The following ZNF804A variants were observed in gnomAD, a reference collection of about 807,000 sequenced individuals.
The protein encoded by ZNF804A is zinc finger protein 804A.
ZNF804A carries 2 observed loss-of-function variants against 16.5 expected under a neutral mutation model. The ratio of observed to expected loss-of-function variants is 0.12; its 90% confidence interval spans 0.05 to 0.38. The LOEUF (loss-of-function observed/expected upper bound fraction) is 0.38, where lower values mean the gene tolerates loss of function less well. Among genes scored for constraint, ZNF804A ranks in the 10% least tolerant of loss-of-function variants. The probability of loss-of-function intolerance (pLI) is 0.99; values close to 1 mark genes in which losing one functional copy is unlikely to be tolerated. For synonymous variants in ZNF804A, 534 were observed against 489.6 expected (o/e 1.09, Z -1.20); for missense variants, 1,473 against 1,390.7 (o/e 1.06, Z -0.94).
At chr2:184,626,894 C>G (rs1234675768) in intron 1 of ZNF804A, among the ~76,000 whole-genome samples, 1 of 152,124 alleles carries the variant, frequency 6.6e-6, no homozygotes, top group African/African-American at 2.4e-5. Flanking sequence ...ACCATGTGGA[C>G]TGTCATATAT....
At chr2:184,680,584 GT>G (rs1348163892) in intron 1 of ZNF804A, among the ~76,000 whole-genome samples, 2 of 152,218 alleles carry the variant, frequency 1.3e-5, no homozygotes. Context: ...TCAGAATGAT[GT>G]TCCTGTGGAA....
intron 1 of ZNF804A, among the ~76,000 whole-genome samples, chr2:184,680,229 C>G (rs2105718432): frequency 6.6e-6 from 1 of 152,012 alleles, no homozygotes; most frequent in South Asian, 2.1e-4. Flanking sequence ...GATGACCTAC[C>G]TGCGGAGAAG....
chr2:184,664,041 A>G (rs1009394317), intron 1 of ZNF804A, among the ~76,000 whole-genome samples: 1 of 152,236 alleles, frequency 6.6e-6, no homozygotes, highest in Non-Finnish European at 1.5e-5. Context: ...ATTGGCTTGA[A>G]TATATACTTT....
chr2:184,644,247 A>G (rs1164628834), intron 1 of ZNF804A, among the ~76,000 whole-genome samples: 1 of 151,690 alleles, frequency 6.6e-6, no homozygotes, highest in African/African-American at 2.4e-5. Flanking sequence ...ATATATATAT[A>G]TAAAATACCT....
At chr2:184,691,250 C>G (rs1011949333) in intron 1 of ZNF804A, among the ~76,000 whole-genome samples, 1 of 151,886 alleles carries the variant, frequency 6.6e-6, no homozygotes, top group Admixed American at 6.6e-5. Context: ...TCAACTTGCT[C>G]AGCAAAAAAC....
chr2:184,885,809 C>A (rs998064014), intron 2 of ZNF804A, among the ~76,000 whole-genome samples: 14 of 152,158 alleles, frequency 9.2e-5, no homozygotes, highest in African/African-American at 3.4e-4. Flanking sequence ...AAAGACCGGG[C>A]CCCATGATTT....
intron 1 of ZNF804A, among the ~76,000 whole-genome samples, chr2:184,677,089 A>G (rs539472586): frequency 1.3e-5 from 2 of 151,948 alleles, no homozygotes; most frequent in South Asian, 2.1e-4. Context: ...TTTTTTCCCT[A>G]TTATTATCAG....
intron 1 of ZNF804A, among the ~76,000 whole-genome samples, chr2:184,624,508 A>G (rs1358281317): frequency 2.0e-5 from 3 of 152,184 alleles, no homozygotes; most frequent in Admixed American, 6.5e-5. Flanking sequence ...CAATGATTCT[A>G]TAAAAGACTG....
intron 1 of ZNF804A, among the ~76,000 whole-genome samples, chr2:184,730,916 G>A (rs1693502685): frequency 6.6e-6 from 1 of 151,486 alleles, no homozygotes; most frequent in African/African-American, 2.4e-5. Context: ...ATTGCTGGAT[G>A]GGATTATAGG....
At position 184,673,864 on chromosome 2, in the gene ZNF804A, G is replaced by A. The variant is rs565780057; in HGVS notation, c.111+74794G>A. Among the ~76,000 whole-genome samples, 9 of 152,230 alleles carry A rather than the reference G, an allele frequency of 5.9e-5. No homozygotes were observed. The South Asian group carries it at 1.9e-3, about 32-fold the overall frequency. On this transcript the variant is annotated intron_variant, in intron 1 of 3. Coordinates refer to ENST00000302277, the MANE Select transcript of ZNF804A (RefSeq NM_194250.2). ...GACAGACTTTAAAGAAAACTTAAAAGGATTATATTGAAATGTCTTATAGCA... is the reference window on the plus strand; with the variant it reads ...GACAGACTTTAAAGAAAACTTAAAAAGATTATATTGAAATGTCTTATAGCA...
chr2:184,711,784 A>T (rs1693132085), intron 1 of ZNF804A, among the ~76,000 whole-genome samples: 1 of 151,584 alleles, frequency 6.6e-6, no homozygotes, highest in Non-Finnish European at 1.5e-5. Flanking sequence ...AGATCAGTTG[A>T]CCATACATAT....
chr2:184,657,137 T>C (rs571597716), intron 1 of ZNF804A, among the ~76,000 whole-genome samples: 1 of 152,260 alleles, frequency 6.6e-6, no homozygotes, highest in African/African-American at 2.4e-5. Context: ...CAGGCTGGAG[T>C]GCAGTAGCGA....
chr2:184,663,262 T>C (rs534213141), intron 1 of ZNF804A, among the ~76,000 whole-genome samples: 11 of 152,294 alleles, frequency 7.2e-5, no homozygotes, highest in African/African-American at 2.4e-4. Flanking sequence ...TCCTGGCCTT[T>C]CCCTGCTCAC....
chr2:184,710,231 A>G (rs974078333), intron 1 of ZNF804A, among the ~76,000 whole-genome samples: 7 of 151,674 alleles, frequency 4.6e-5, no homozygotes, highest in Non-Finnish European at 1.0e-4. Flanking sequence ...GCATGGGTGA[A>G]CTGTCACTAT....
chr2:184,814,783 T>A (rs1694954596), intron 1 of ZNF804A, among the ~76,000 whole-genome samples: 1 of 152,032 alleles, frequency 6.6e-6, no homozygotes, highest in African/African-American at 2.4e-5. Flanking sequence ...GTAAATGAGA[T>A]CTCCGTCACC....
At chr2:184,684,700 T>G (rs998266156) in intron 1 of ZNF804A, among the ~76,000 whole-genome samples, 12 of 152,120 alleles carry the variant, frequency 7.9e-5, no homozygotes, top group African/African-American at 2.9e-4. Flanking sequence ...ACCCAATAGG[T>G]AGATTTCCCT....
chr2:184,645,855 T>C (rs1477275607), intron 1 of ZNF804A, among the ~76,000 whole-genome samples: 1 of 152,112 alleles, frequency 6.6e-6, no homozygotes, highest in Non-Finnish European at 1.5e-5. Flanking sequence ...ATAGTTCCCA[T>C]AAAGATGTGT....
At chr2:184,893,300 G>A (rs893860867) in intron 2 of ZNF804A, among the ~76,000 whole-genome samples, 11 of 151,932 alleles carry the variant, frequency 7.2e-5, no homozygotes, top group Non-Finnish European at 4.4e-5. Context: ...ACCAACTTAG[G>A]ACTCAAAGTA....
intron 1 of ZNF804A, among the ~76,000 whole-genome samples, chr2:184,810,907 G>C (rs1033960847): frequency 6.6e-6 from 1 of 152,074 alleles, no homozygotes; most frequent in Non-Finnish European, 1.5e-5. Flanking sequence ...CTCTGAAAAG[G>C]TGTCTTTATA....
Sources: allele counts gnomAD v4.1 joint callset (sites outside exome capture counted in the v4.1 genomes callset), GRCh38; gene constraint gnomAD v4.1.1; transcripts MANE v1.5; gene names NCBI Gene and HGNC (gene_info 2026-07-23, HGNC 2026-07-21).